The following GMDS variants were observed in gnomAD, a reference collection of about 807,000 sequenced individuals.
GMDS encodes GDP-mannose 4,6 dehydratase.
A neutral mutation model predicts 49.9 loss-of-function variants in GMDS; 20 were observed. The ratio of observed to expected loss-of-function variants is 0.40; its 90% CI spans 0.28 to 0.58. The LOEUF is 0.58. Ranked by LOEUF, GMDS falls within the 20% of genes least tolerant of loss-of-function variation. The probability of loss-of-function intolerance (pLI) is 0.42; values close to 1 mark genes in which losing one functional copy is unlikely to be tolerated. For missense variants in GMDS, 362 were observed against 481.4 expected (o/e 0.75, Z 2.32); for synonymous variants, 177 against 178.6 (o/e 0.99, Z 0.07).
At chr6:1,993,815 T>C (rs1464905935) in intron 4 of GMDS, among the ~76,000 whole-genome samples, 4 of 151,810 alleles carry the variant, frequency 2.6e-5, no homozygotes, top group Admixed American at 2.0e-4. Flanking sequence ...AGACTTATCA[T>C]CAGCCACGTA....
At chr6:1,624,605 GCC>G in intron 9 of GMDS, 65 bp from the exon 10 acceptor site, 1 of 1,158,978 alleles carries the variant, frequency 8.6e-7, no homozygotes, top group Non-Finnish European at 1.3e-6. Context: ...CAGGTCCCGA[GCC>G]CCGGGAACTC....
At chr6:1,697,243 C>T (rs932728658) in intron 9 of GMDS, among the ~76,000 whole-genome samples, 3 of 152,184 alleles carry the variant, frequency 2.0e-5, no homozygotes, top group Non-Finnish European at 4.4e-5. Context: ...CTCTAAGTGT[C>T]CTGTGGAACC....
At chr6:1,915,583 A>G (rs917333718) in intron 7 of GMDS, among the ~76,000 whole-genome samples, 5 of 152,186 alleles carry the variant, frequency 3.3e-5, no homozygotes, top group Non-Finnish European at 7.4e-5. Context: ...TTTTAAGTTG[A>G]AATATGACAG....
chr6:1,927,481 G>T (rs1257665328), intron 7 of GMDS, among the ~76,000 whole-genome samples: 1 of 152,232 alleles, frequency 6.6e-6, no homozygotes, highest in Non-Finnish European at 1.5e-5. Flanking sequence ...TAATGACACC[G>T]CCTTGTCAAA....
chr6:1,991,899 C>A (rs1039777172), intron 4 of GMDS, among the ~76,000 whole-genome samples: 2 of 152,200 alleles, frequency 1.3e-5, no homozygotes, highest in African/African-American at 4.8e-5. Context: ...CACAAAGACA[C>A]AGGGAGATGT....
chr6:1,965,282 G>C (rs1764201681), intron 4 of GMDS, among the ~76,000 whole-genome samples: 1 of 152,176 alleles, frequency 6.6e-6, no homozygotes. Flanking sequence ...ATTAAGCACT[G>C]TTAGACTAAA....
intron 7 of GMDS, among the ~76,000 whole-genome samples, chr6:1,743,542 CAAA>C (rs5873811): frequency 7.5e-4 from 88 of 117,262 alleles, no homozygotes; most frequent in East Asian, 2.8e-3. Flanking sequence ...GACTCCATCT[CAAA>C]AAAAAAAAAA....
intron 4 of GMDS, among the ~76,000 whole-genome samples, chr6:2,066,922 C>T (rs1001468857): frequency 6.6e-6 from 1 of 152,060 alleles, no homozygotes; most frequent in South Asian, 2.1e-4. Flanking sequence ...ACCTAATACA[C>T]ATCTACAGAA....
chr6:2,197,737 G>C (rs994551852), intron 1 of GMDS, among the ~76,000 whole-genome samples: 10 of 152,136 alleles, frequency 6.6e-5, no homozygotes, highest in Admixed American at 6.5e-4. Context: ...TCCTAATTCT[G>C]GGTGCTAACA....
At chr6:2,035,449 A>G (rs1334450484) in intron 4 of GMDS, among the ~76,000 whole-genome samples, 1 of 152,034 alleles carries the variant, frequency 6.6e-6, no homozygotes, top group African/African-American at 2.4e-5. Context: ...ACCACTATAC[A>G]TCTCCCACAT....
At chr6:1,762,696 A>G (rs1020481167) in intron 7 of GMDS, among the ~76,000 whole-genome samples, 2 of 152,114 alleles carry the variant, frequency 1.3e-5, no homozygotes, top group Non-Finnish European at 2.9e-5. Flanking sequence ...CTTCCTGGGG[A>G]GGATGAGAAA....
At chr6:1,638,114 G>A (rs1412709885) in intron 9 of GMDS, among the ~76,000 whole-genome samples, 1 of 152,216 alleles carries the variant, frequency 6.6e-6, no homozygotes, top group Non-Finnish European at 1.5e-5. Flanking sequence ...GAGAGAGAAT[G>A]TGCTTCTGCG....
chr6:2,212,724 A>C (rs1037025785), intron 1 of GMDS, among the ~76,000 whole-genome samples: 1 of 151,664 alleles, frequency 6.6e-6, no homozygotes, highest in African/African-American at 2.4e-5. Flanking sequence ...AAAAAAAAAA[A>C]AAAAACTAAA....
chr6:2,217,592 C>T (rs1053119314), intron 1 of GMDS, among the ~76,000 whole-genome samples: 4 of 152,122 alleles, frequency 2.6e-5, no homozygotes, highest in African/African-American at 9.7e-5. Context: ...AATGTGCTTA[C>T]AATAATGCTG....
chr6:1,653,193 C>G (rs2113224121), intron 9 of GMDS, among the ~76,000 whole-genome samples: 1 of 152,262 alleles, frequency 6.6e-6, no homozygotes, highest in East Asian at 1.9e-4. Context: ...TTAAACTGGA[C>G]TGTACACTGC....
At chr6:1,672,993 C>T (rs1056057310) in intron 9 of GMDS, among the ~76,000 whole-genome samples, 4 of 152,154 alleles carry the variant, frequency 2.6e-5, no homozygotes, top group Non-Finnish European at 5.9e-5. Context: ...TTGGGAATTG[C>T]GAAGTCTATA....
At chr6:1,708,180 C>T (rs1765805770) in intron 9 of GMDS, among the ~76,000 whole-genome samples, 1 of 152,202 alleles carries the variant, frequency 6.6e-6, no homozygotes, top group African/African-American at 2.4e-5. Flanking sequence ...AAGAATCAGC[C>T]ATTTGCTCAC....
At chr6:2,172,180 T>C (rs932854195) in intron 1 of GMDS, among the ~76,000 whole-genome samples, 4 of 152,090 alleles carry the variant, frequency 2.6e-5, no homozygotes, top group Admixed American at 2.6e-4. Flanking sequence ...CTCCCCAATA[T>C]TAAAGACAAA....
At chr6:2,169,613 C>G (rs867196843) in intron 1 of GMDS, among the ~76,000 whole-genome samples, 1 of 138,750 alleles carries the variant, frequency 7.2e-6, no homozygotes, top group South Asian at 2.2e-4. Flanking sequence ...TTTAAAGCCA[C>G]CAGGCAGCAA....
Sources: gnomAD v4.1 joint callset for allele counts (sites outside exome capture counted in the v4.1 genomes callset) on GRCh38, gnomAD v4.1.1 for gene constraint, MANE v1.5 for transcripts, NCBI Gene and HGNC (gene_info 2026-07-23, HGNC 2026-07-21) for gene names.